Variants in ASNS observed in about 807,000 individuals in gnomAD.
ASNS encodes asparagine synthetase [glutamine-hydrolyzing].
A neutral mutation model predicts 62.6 loss-of-function variants in ASNS; 37 were observed. The ratio of observed to expected loss-of-function variants is 0.59; its 90% CI spans 0.45 to 0.78. The LOEUF is 0.78. Ranked by LOEUF, ASNS falls within the 30% of genes least tolerant of loss-of-function variation. The pLI is 0.00. For missense variants in ASNS, 520 were observed against 682.4 expected, an observed-to-expected ratio of 0.76 and a Z score of 2.65; for synonymous variants, 207 against 237.9, an observed-to-expected ratio of 0.87 and a Z score of 1.19.
chr7:97,856,957 A>G, intron 7 of ASNS, 141 bp from the exon 8 acceptor site: 1 of 825,814 alleles, frequency 1.2e-6, no homozygotes, highest in Non-Finnish European at 1.9e-6. Flanking sequence ...ATGACTTTAC[A>G]GCCCACCACA....
chr7:97,868,773 T>C (rs1792102085), intron 3 of ASNS, 135 bp downstream of exon 3: 8 of 1,290,362 alleles, frequency 6.2e-6, no homozygotes, highest in Admixed American at 2.2e-5. Flanking sequence ...CCTATTTACA[T>C]ACTTAGAGCA....
rs1791590857 is a variant in ASNS at position 97,859,051 on chromosome 7, G to T, written c.674-96C>A. On this transcript the variant is annotated intron_variant, in intron 5 of 12. Coordinates refer to ENST00000394308, the MANE Select transcript of ASNS (RefSeq NM_001673.5). Reference sequence around the variant, plus strand: ...ACAATCATCAACATCTATCATGATGGTATTTACTCAATGGTGGAGTGTGCC... The same window carrying T: ...ACAATCATCAACATCTATCATGATGTTATTTACTCAATGGTGGAGTGTGCC... 7 of 1,385,390 alleles carry T rather than the reference G, an allele frequency of 5.1e-6. No individual in the cohort carries two copies. The Admixed American group carries it at 6.1e-5, about 12-fold the overall frequency. The allele number at this position is 1,385,390 out of a possible 1,614,324, so 85.8% of individuals were successfully genotyped here.
intron 4 of ASNS, chr7:97,863,125 A>T (rs201920211): frequency 1.3e-5 from 2 of 152,298 alleles, no homozygotes; most frequent in South Asian, 4.1e-4. Flanking sequence ...CAGCAATTCT[A>T]CTCCTAGATA....
chr7:97,900,880 C>T, the ASNS span, among the ~76,000 whole-genome samples: 13 of 152,032 alleles, frequency 8.6e-5, no homozygotes, highest in African/African-American at 3.1e-4. Context: ...AAACCTAACT[C>T]TTAAGAACTG....
Position 97,869,021 on chromosome 7 carries a change from C to T in ASNS, c.136G>A (p.Gly46Arg). 1.2e-6 allele frequency: 2 copies of T among 1,614,174 alleles called. No individual in the cohort carries two copies. Among genetic ancestry groups the T allele is most frequent in the Non-Finnish European group, 1.7e-6 (2 of 1,180,034 alleles). Residue 46 changes from glycine to arginine, a missense_variant, in exon 3 of 13, where the codon GGA (glycine) becomes AGA (arginine). By Grantham distance (125) the Gly-to-Arg change is moderately radical (BLOSUM62 -2). Transcript: ENST00000394308. ...TCAACTACCGCCAACCGGTGAAATC[C>T]AAAGCAGCAGTTGGTGTATCCATTG... ...NVNGYTNCCF[G>R]FHRLAVVDPL... is the part of the protein sequence containing the mutation.
chr7:97,864,676 G>C (rs1015718186), intron 3 of ASNS, among the ~76,000 whole-genome samples, 180 bp from the exon 4 acceptor site: 2 of 152,098 alleles, frequency 1.3e-5, no homozygotes, highest in African/African-American at 2.4e-5. Flanking sequence ...TGCAAATTCT[G>C]TTCAACATAA....
the ASNS span, among the ~76,000 whole-genome samples, chr7:97,889,197 A>G: frequency 6.6e-6 from 1 of 152,138 alleles, no homozygotes; most frequent in Non-Finnish European, 1.5e-5. Flanking sequence ...CCCCATCCTC[A>G]GCAAAGCCTC....
the ASNS span, among the ~76,000 whole-genome samples, chr7:97,905,925 T>C: frequency 6.6e-6 from 1 of 152,322 alleles, no homozygotes; most frequent in Admixed American, 6.5e-5. Context: ...CCCCGCTCCT[T>C]TCCTGTGTTC....
chr7:97,925,338 C>T, the ASNS span, among the ~76,000 whole-genome samples: 1 of 152,056 alleles, frequency 6.6e-6, no homozygotes, highest in South Asian at 2.1e-4. Context: ...GACCCAAGCT[C>T]GACACTCTCA....
chr7:97,889,671 C>A, the ASNS span, among the ~76,000 whole-genome samples: 15 of 151,848 alleles, frequency 9.9e-5, no homozygotes, highest in African/African-American at 3.6e-4. Flanking sequence ...ACTGTAGATA[C>A]AGCTATAAGA....
At chr7:97,858,821 G>T (rs1490976458) in intron 6 of ASNS, 33 bp downstream of exon 6, 1 of 1,552,132 alleles carries the variant, frequency 6.4e-7, no homozygotes, top group Non-Finnish European at 8.8e-7. Flanking sequence ...AAACACACAT[G>T]AAATATAATT....
chr7:97,853,721 C>T (rs1201702061), intron 10 of ASNS, among the ~76,000 whole-genome samples: 1 of 152,158 alleles, frequency 6.6e-6, no homozygotes, highest in African/African-American at 2.4e-5. Flanking sequence ...AAATACCTTG[C>T]CTAGACCTAA....
the ASNS span, among the ~76,000 whole-genome samples, chr7:97,896,731 CACACACACACATATAT>C: frequency 3.6e-5 from 1 of 27,866 alleles, no homozygotes; most frequent in South Asian, 1.5e-3. Flanking sequence ...CACACACACA[CACACACACACATATAT>C]ATATATATAT....
chr7:97,889,928 A>AAAAAAAAAAAAAAAAAAAAAAAAAAAC, the ASNS span, among the ~76,000 whole-genome samples: 1 of 12,278 alleles, frequency 8.1e-5, no homozygotes, highest in African/African-American at 1.9e-4. Context: ...TAATGAATAC[A>AAAAAAAAAAAAAAAAAAAAAAAAAAAC]AAAAAAAAAA....
At chr7:97,904,160 C>G in the ASNS span, among the ~76,000 whole-genome samples, 1 of 152,110 alleles carries the variant, frequency 6.6e-6, no homozygotes, top group Non-Finnish European at 1.5e-5. Flanking sequence ...GTTCTCTAAG[C>G]TACAGATTCT....
the ASNS span, among the ~76,000 whole-genome samples, chr7:97,881,360 A>G: frequency 6.6e-6 from 1 of 151,990 alleles, no homozygotes; most frequent in African/African-American, 2.4e-5. Context: ...TCTAGTTCCA[A>G]AACATTTTCA....
chr7:97,904,663 C>CA, the ASNS span, among the ~76,000 whole-genome samples: 1 of 151,996 alleles, frequency 6.6e-6, no homozygotes. Flanking sequence ...CACCACAGGG[C>CA]AATGCATGAA....
At chr7:97,899,792 AT>A in the ASNS span, among the ~76,000 whole-genome samples, 2,108 of 152,042 alleles carry the variant, frequency 0.014, 164 homozygotes, top group Admixed American at 0.13. Flanking sequence ...GTAGACAACA[AT>A]AGGTGTATCT....
chr7:97,874,788 T>C (rs1792404566), upstream of ASNS, among the ~76,000 whole-genome samples: 1 of 152,272 alleles, frequency 6.6e-6, no homozygotes, highest in African/African-American at 2.4e-5. Flanking sequence ...AAATACTTTG[T>C]GTTTTTCTTA....
Sources: allele counts gnomAD v4.1 joint callset (sites outside exome capture counted in the v4.1 genomes callset), GRCh38; gene constraint gnomAD v4.1.1; transcripts MANE v1.5; gene names NCBI Gene and HGNC (gene_info 2026-07-23, HGNC 2026-07-21).